Variants in FASTKD5 observed in about 807,000 individuals in gnomAD.
FASTKD5 encodes the protein non-canonical pre-mRNAs endonuclease FASTKD5, mitochondrial.
FASTKD5 carries 30 observed loss-of-function variants against 44.0 expected under a neutral mutation model. The observed-to-expected ratio is 0.68, with a 90% CI of 0.51 to 0.93. FASTKD5 has a LOEUF of 0.93. Ranked by LOEUF, FASTKD5 falls within the 40% of genes least tolerant of loss-of-function variation. FASTKD5 has a pLI of 0.00. For synonymous variants in FASTKD5, 335 were observed against 342.2 expected (o/e 0.98, Z 0.23); for missense variants, 868 against 908.2 (o/e 0.96, Z 0.57).
At chr20:3,154,169 A>G (rs913209355) in intron 1 of FASTKD5, among the ~76,000 whole-genome samples, 49 of 152,326 alleles carry the variant, frequency 3.2e-4, no homozygotes, top group African/African-American at 1.1e-3. Context: ...AATCCCAGGA[A>G]AAAGGTGAAG....
chr20:3,149,728 A>G lies in FASTKD5; in HGVS notation c.-190-468T>C, dbSNP rs1387429959. ...AAAGTGGGATCTGGTATAAAAGATA[A>G]TTAGTTGGCTGGGTGTGGGTGGCTC... On this transcript the variant is annotated intron_variant, in intron 1 of 1. Transcript: ENST00000380266. The surrounding 1 kb of genome is among the most constrained non-coding windows in gnomAD (Gnocchi z 4.1). Among the ~76,000 whole-genome samples, 1 of 152,202 alleles carries G rather than the reference A, an allele frequency of 6.6e-6. No individual in the cohort carries two copies. Among genetic ancestry groups the G allele is most frequent in the Non-Finnish European group, 1.5e-5 (1 of 68,032 alleles).
At chr20:3,156,350 G>C (rs887955694) in intron 1 of FASTKD5, among the ~76,000 whole-genome samples, 2 of 151,674 alleles carry the variant, frequency 1.3e-5, no homozygotes, top group African/African-American at 4.8e-5. Flanking sequence ...TAATTTTTTT[G>C]TATTTTTTGG....
At position 3,149,013 on chromosome 20, in the gene FASTKD5, A is replaced by G; in HGVS notation, c.58T>C (p.Ser20Pro). Residue 20 changes from serine to proline, a missense_variant, in exon 2 of 2, where the codon TCT becomes CCT. Coordinates refer to ENST00000380266, the MANE Select transcript of FASTKD5 (RefSeq NM_021826.5). This position sits in a 1 kb window ranked among gnomAD's most constrained non-coding sequence, Gnocchi z 4.1. ...LVRYRAFCSP[S>P]AFGAVRSVSY... ...ACACTTCGGACTGCACCAAAGGCAG[A>G]AGGACTGCAAAATGCTCGGTATCTT... 1 of 1,613,940 alleles carries G rather than the reference A, an allele frequency of 6.2e-7. No homozygotes were observed. Among genetic ancestry groups the G allele is most frequent in the Non-Finnish European group, 8.5e-7 (1 of 1,179,968 alleles).
chr20:3,149,557 C>T lies in FASTKD5; in HGVS notation c.-190-297G>A, dbSNP rs2066603692. Among the ~76,000 whole-genome samples, 2 of 152,186 alleles carry T rather than the reference C, an allele frequency of 1.3e-5. No homozygotes were observed. Among genetic ancestry groups the T allele is most frequent in the Admixed American group, 1.3e-4 (2 of 15,274 alleles). The stretch of plus-strand genomic sequence containing the variant: ...TAAAGAAGAGACGGTGCTCCGCTAA[C>T]ATTTGATAGGAAGAAGGAAGGCAGA... On this transcript the variant is annotated intron_variant, in intron 1 of 1. Transcript: ENST00000380266. The surrounding 1 kb of genome is among the most constrained non-coding windows in gnomAD (Gnocchi z 4.1).
At chr20:3,150,075 A>G (rs1383722117) in intron 1 of FASTKD5, among the ~76,000 whole-genome samples, 1 of 151,900 alleles carries the variant, frequency 6.6e-6, no homozygotes, top group Non-Finnish European at 1.5e-5. Flanking sequence ...CCCTGTTCTT[A>G]TAGCGCAAAA....
At chr20:3,156,932 A>G (rs1023648444) in intron 1 of FASTKD5, 3 of 152,198 alleles carry the variant, frequency 2.0e-5, no homozygotes, top group Non-Finnish European at 2.9e-5. Context: ...TTCTTGTCTC[A>G]GCAAATAATT....
In FASTKD5 at chr20:3,148,776, T is replaced by C. The variant is rs757143824; in HGVS notation, c.295A>G (p.Thr99Ala). 2 of 1,614,256 alleles carry C rather than the reference T, an allele frequency of 1.2e-6. No homozygotes were observed. Among genetic ancestry groups the C allele is most frequent in the Non-Finnish European group, 1.7e-6 (2 of 1,180,040 alleles). ...STLQLGSPRATGVDEEDVEVF... is the reference protein window; with the variant it reads ...STLQLGSPRAAGVDEEDVEVF... ...TCTACGTCCTCTTCATCAACTCCTG[T>C]GGCCCTGGGTGAGCCCAGCTGCAAT... The change falls in exon 2 of 2, where the codon ACA becomes GCA. Residue 99 changes from threonine to alanine, a missense_variant. Transcript: ENST00000380266.
chr20:3,158,628 C>A (rs901486745), intron 1 of FASTKD5, among the ~76,000 whole-genome samples: 2 of 152,188 alleles, frequency 1.3e-5, no homozygotes, highest in Non-Finnish European at 2.9e-5. Context: ...GCGCCCGCCA[C>A]CACGCCCAGC....
At chr20:3,151,854 C>T (rs1338179649) in intron 1 of FASTKD5, 1 of 151,844 alleles carries the variant, frequency 6.6e-6, no homozygotes, top group East Asian at 1.9e-4. Context: ...CCTGTAATTC[C>T]AGCACTTTGA....
rs939456440 is a variant in FASTKD5, at chr20:3,149,960, G to A, written c.-190-700C>T. 1.3e-5 allele frequency among the ~76,000 whole-genome samples: 2 copies of A among 151,582 alleles called. No individual in the cohort carries two copies. The highest frequency in any genetic ancestry group is 1.9e-4 in the East Asian group (1 of 5,166). Reference sequence around the variant, plus strand: ...CTTGAACCCAGGAGGCAGAGGTTGCGGTGAGCCAAGACCGTGCCACTGCAC... The same window carrying A: ...CTTGAACCCAGGAGGCAGAGGTTGCAGTGAGCCAAGACCGTGCCACTGCAC... On this transcript the variant is annotated intron_variant, in intron 1 of 1. Transcript: ENST00000380266. The surrounding 1 kb of genome is among the most constrained non-coding windows in gnomAD (Gnocchi z 4.1).
At chr20:3,159,577 G>A (rs1390515489) in intron 1 of FASTKD5, among the ~76,000 whole-genome samples, 189 bp downstream of exon 1, 1 of 152,270 alleles carries the variant, frequency 6.6e-6, no homozygotes, top group African/African-American at 2.4e-5. Context: ...AGCGGCGAGA[G>A]TCACTGAAGT....
At chr20:3,153,681 C>A (rs2066655418) in intron 1 of FASTKD5, among the ~76,000 whole-genome samples, 1 of 152,178 alleles carries the variant, frequency 6.6e-6, no homozygotes, top group South Asian at 2.1e-4. Flanking sequence ...AGGGTTAGAA[C>A]TAGGTAAGCT....
rs2066575337 is a variant in FASTKD5, at chr20:3,147,318, T to C, written c.1753A>G (p.Thr585Ala). 1.2e-6 allele frequency: 2 copies of C among 1,614,052 alleles called. No homozygotes were observed. Among genetic ancestry groups the C allele is most frequent in the African/African-American group, 1.3e-5 (1 of 74,920 alleles). The change falls in exon 2 of 2, where the codon ACC becomes GCC. Residue 585 changes from threonine to alanine, a missense_variant. Physicochemically the swap from Thr to Ala is moderately conservative, Grantham distance 58. Transcript: ENST00000380266. ...TGGACCTCTAAGTCAGAAGATCGGG[T>C]ATGAGGCAAAATCATATGGTGCTTG... ...YVKHHMILPH[T>A]RSSDLEVQLD...
At position 3,148,892 on chromosome 20, in the gene FASTKD5, C is replaced by T; in HGVS notation, c.179G>A (p.Cys60Tyr). The T allele has an allele frequency of 6.2e-7, 1 of 1,614,180 alleles. No homozygotes were observed. Among genetic ancestry groups the T allele is most frequent in the Non-Finnish European group, 8.5e-7 (1 of 1,180,038 alleles). Residue 60 changes from cysteine (C) to tyrosine (Y), a missense_variant, in exon 2 of 2, where the codon TGT becomes TAT. Physicochemically the swap from Cys to Tyr is radical, Grantham distance 194. Coordinates refer to ENST00000380266, the MANE Select transcript of FASTKD5 (RefSeq NM_021826.5). ...CHSAKKVKNICSTFSSRRILT... is the reference protein window; with the variant it reads ...CHSAKKVKNIYSTFSSRRILT... ...GATTCTCCGAGAAGAGAAGGTGCTA[C>T]ATATGTTCTTAACTTTTTTGGCAGA...
At chr20:3,150,226 A>G (rs2066610868) in intron 1 of FASTKD5, among the ~76,000 whole-genome samples, 1 of 152,110 alleles carries the variant, frequency 6.6e-6, no homozygotes, top group Non-Finnish European at 1.5e-5. Flanking sequence ...ATTAGAAAGT[A>G]TACTAAAAAA....
At position 3,146,827 on chromosome 20, in the gene FASTKD5, GCGAGTT is replaced by G; in HGVS notation, c.2238_2243del (p.Thr747_Arg748del). 1 of 1,614,170 alleles carries G rather than the reference GCGAGTT, an allele frequency of 6.2e-7. No individual in the cohort carries two copies. The highest frequency in any genetic ancestry group is 8.5e-7 in the Non-Finnish European group (1 of 1,180,014). On this transcript the variant is annotated inframe_deletion, in exon 2 of 2. Transcript: ENST00000380266. ...CATGAAGAAACGCCAACTTTTCTAAGCGAGTTCGTTTCAGTAGTGGGAGCCATTCCC... is the reference window on the plus strand; with the variant it reads ...CATGAAGAAACGCCAACTTTTCTAAGCGTTTCAGTAGTGGGAGCCATTCCC...
intron 1 of FASTKD5, among the ~76,000 whole-genome samples, chr20:3,157,989 C>T (rs1246623113): frequency 6.6e-6 from 1 of 151,922 alleles, no homozygotes; most frequent in Non-Finnish European, 1.5e-5. Flanking sequence ...TCGACCACTG[C>T]CCCCCACCTC....
At chr20:3,156,642 C>T (rs150351956) in intron 1 of FASTKD5, 1,951 of 152,420 alleles carry the variant, frequency 0.013, 18 homozygotes, top group Middle Eastern at 0.057. Flanking sequence ...AATGCCCAAA[C>T]CTCCCTGAAT....
chr20:3,158,021 C>T (rs532668251), intron 1 of FASTKD5, among the ~76,000 whole-genome samples: 19 of 152,254 alleles, frequency 1.2e-4, no homozygotes, highest in African/African-American at 2.9e-4. Flanking sequence ...ACCTCCCGGG[C>T]GAGGATCGCT....
Sources: allele counts gnomAD v4.1 joint callset (sites outside exome capture counted in the v4.1 genomes callset), GRCh38; gene constraint gnomAD v4.1.1; non-coding constraint Gnocchi (gnomAD v3.1); transcripts MANE v1.5; gene names NCBI Gene and HGNC (gene_info 2026-07-23, HGNC 2026-07-21).